The following DSCAML1 variants were observed in gnomAD, a reference collection of about 807,000 sequenced individuals.
The protein encoded by DSCAML1 is DS cell adhesion molecule like 1, also known as cell adhesion molecule DSCAML1.
DSCAML1 carries 38 observed loss-of-function variants against 200.5 expected under a neutral mutation model. The ratio of observed to expected loss-of-function variants is 0.19; its 90% CI spans 0.15 to 0.25. The LOEUF (loss-of-function observed/expected upper bound fraction) is 0.25. DSCAML1 is among the 10% of genes least tolerant of loss of function. DSCAML1 has a pLI of 1.00. For synonymous variants in DSCAML1, 1,215 were observed against 1,165.0 expected (o/e 1.04, Z -0.87); for missense variants, 2,223 against 2,858.8 (o/e 0.78, Z 5.07).
At chr11:117,508,797 C>T (rs1013749713) in intron 8 of DSCAML1, among the ~76,000 whole-genome samples, 1 of 152,078 alleles carries the variant, frequency 6.6e-6, no homozygotes, top group Admixed American at 6.6e-5. Context: ...GCTGTGGAGT[C>T]TGGAGGGCCA....
At chr11:117,519,245 T>A (rs1190909175) in intron 6 of DSCAML1, among the ~76,000 whole-genome samples, 1 of 152,214 alleles carries the variant, frequency 6.6e-6, no homozygotes, top group East Asian at 1.9e-4. Context: ...CCTGGCCCTG[T>A]GGAGTCTGAT....
chr11:117,535,410 A>G (rs747579734), intron 3 of DSCAML1, among the ~76,000 whole-genome samples: 52 of 152,202 alleles, frequency 3.4e-4, no homozygotes, highest in Middle Eastern at 6.8e-3. Flanking sequence ...TCTGGAACCT[A>G]GAGTTTGTGG....
intron 3 of DSCAML1, among the ~76,000 whole-genome samples, chr11:117,719,130 T>A (rs1211518464): frequency 6.6e-6 from 1 of 152,170 alleles, no homozygotes; most frequent in Non-Finnish European, 1.5e-5. Flanking sequence ...TGTTATATAT[T>A]CATTTTTAGA....
At chr11:117,622,211 G>A (rs2051948068) in intron 3 of DSCAML1, among the ~76,000 whole-genome samples, 1 of 152,174 alleles carries the variant, frequency 6.6e-6, no homozygotes, top group Admixed American at 6.5e-5. Context: ...CCAAAGGGCT[G>A]GTGGCCTGGA....
In DSCAML1 at chr11:117,437,034, G is replaced by C; in HGVS notation, c.4720+88C>G. The stretch of plus-strand genomic sequence containing the variant: ...TTCCTGCCTGTTTTTCTATTAGTCT[G>C]TCTCTTTATGTATCTGCCACTCTGC... On this transcript the variant is annotated intron_variant, in intron 26 of 32. Transcript: ENST00000651296. The surrounding 1 kb of genome is among the most constrained non-coding windows in gnomAD (Gnocchi z 5.3). The C allele has an allele frequency of 6.7e-7, 1 of 1,495,216 alleles. No individual in the cohort carries two copies. The highest frequency in any genetic ancestry group is 9.0e-7 in the Non-Finnish European group (1 of 1,114,280). The allele number at this position is 1,495,216 out of a possible 1,614,324, so 92.6% of individuals were successfully genotyped here.
intron 3 of DSCAML1, among the ~76,000 whole-genome samples, chr11:117,578,736 A>G (rs2050993461): frequency 6.6e-6 from 1 of 152,146 alleles, no homozygotes; most frequent in Non-Finnish European, 1.5e-5. Context: ...AGCTCCCTCT[A>G]CTATCTAGAC....
intron 3 of DSCAML1, among the ~76,000 whole-genome samples, chr11:117,568,049 G>T (rs1228571739): frequency 6.6e-6 from 1 of 152,032 alleles, no homozygotes; most frequent in Admixed American, 6.6e-5. Context: ...TTCATCCCTG[G>T]GATGCAAGGC....
chr11:117,501,037 G>A (rs895420751), intron 11 of DSCAML1, among the ~76,000 whole-genome samples: 7 of 152,274 alleles, frequency 4.6e-5, no homozygotes, highest in Middle Eastern at 3.4e-3. Flanking sequence ...TGATGTGGGC[G>A]TTTGAGATGG....
At chr11:117,666,368 A>G (rs1008739872) in intron 3 of DSCAML1, among the ~76,000 whole-genome samples, 4 of 152,232 alleles carry the variant, frequency 2.6e-5, no homozygotes, top group African/African-American at 9.6e-5. Flanking sequence ...TGTGTAATCA[A>G]TGTTAGTGCC....
chr11:117,786,398 A>C (rs1483261432), intron 1 of DSCAML1, among the ~76,000 whole-genome samples: 2 of 152,224 alleles, frequency 1.3e-5, no homozygotes, highest in Non-Finnish European at 2.9e-5. Flanking sequence ...ATAGCACAGC[A>C]ATATTTTTAA....
At chr11:117,693,144 G>T (rs142954917) in intron 3 of DSCAML1, among the ~76,000 whole-genome samples, 2 of 152,262 alleles carry the variant, frequency 1.3e-5, no homozygotes, top group African/African-American at 4.8e-5. Context: ...GCATCTTGCC[G>T]TGGCATTTCA....
At chr11:117,651,135 A>C (rs1009497905) in intron 3 of DSCAML1, among the ~76,000 whole-genome samples, 8 of 152,270 alleles carry the variant, frequency 5.3e-5, no homozygotes, top group Non-Finnish European at 1.0e-4. Flanking sequence ...CCGAAGCCTC[A>C]ATCCAGGGCG....
intron 3 of DSCAML1, 118 bp from the exon 4 acceptor site, chr11:117,532,640 G>T: frequency 9.5e-7 from 1 of 1,049,044 alleles, no homozygotes. Context: ...AAATAGAAAT[G>T]GTAGTAATTG....
intron 3 of DSCAML1, among the ~76,000 whole-genome samples, chr11:117,630,910 G>A (rs1287320890): frequency 3.3e-5 from 5 of 152,104 alleles, no homozygotes; most frequent in Admixed American, 6.5e-5. Flanking sequence ...CTGTGCCTTC[G>A]TTTCCTCATC....
chr11:117,783,982 C>G (rs1353969276), intron 1 of DSCAML1, among the ~76,000 whole-genome samples: 1 of 152,222 alleles, frequency 6.6e-6, no homozygotes, highest in Non-Finnish European at 1.5e-5. Context: ...TCCTGCACTC[C>G]TGGGCCTCGG....
At chr11:117,795,883 G>GGCCAGGGCAACA (rs1222123665) in intron 1 of DSCAML1, among the ~76,000 whole-genome samples, 1 of 152,180 alleles carries the variant, frequency 6.6e-6, no homozygotes, top group Non-Finnish European at 1.5e-5. Flanking sequence ...GTTGCCGCCC[G>GGCCAGGGCAACA]GCCAGGGCAA....
chr11:117,482,049 C>T lies in DSCAML1; in HGVS notation c.2473G>A (p.Gly825Arg), dbSNP rs1182451596. Reference protein sequence around the residue: ...ERPIIIRWEKGDTVIDPDRVM... With the variant: ...ERPIIIRWEKRDTVIDPDRVM... ...CGGTCAGGGTCGATGACTGTGTCCCCCTTCTCCCAGCGGATGATGATGGGC... is the reference window on the plus strand; with the variant it reads ...CGGTCAGGGTCGATGACTGTGTCCCTCTTCTCCCAGCGGATGATGATGGGC... The change falls in exon 12 of 33, where the codon GGG becomes AGG. Residue 825 changes from glycine (G) to arginine (R), a missense_variant. This residue lies in a region of DSCAML1 where 438 missense variants were observed against 629.7 expected (regional missense o/e 0.70). Coordinates refer to ENST00000651296, the MANE Select transcript of DSCAML1 (RefSeq NM_020693.4). The T allele has an allele frequency of 6.2e-7, 1 of 1,614,188 alleles. No individual in the cohort carries two copies. The highest frequency in any genetic ancestry group is 8.5e-7 in the Non-Finnish European group (1 of 1,180,020).
At position 117,506,603 on chromosome 11, in the gene DSCAML1, C is replaced by T. The variant is rs145727081; in HGVS notation, c.1784-871G>A. ...ACAAGGTTTTGCTCTGTCACCCAGG[C>T]GGGAGTACAGTGGCGTGAACATGGC... On this transcript the variant is annotated intron_variant, in intron 8 of 32. Coordinates refer to ENST00000651296, the MANE Select transcript of DSCAML1 (RefSeq NM_020693.4). Among the ~76,000 whole-genome samples the T allele has an allele frequency of 6.9e-3, 922 of 134,030 alleles. 4 individuals are homozygous for T. The highest frequency in any genetic ancestry group is 8.4e-3 in the Non-Finnish European group (547 of 65,454). 87.9% of individuals were successfully genotyped at this position (134,030 alleles called of 152,430 possible). A position where few individuals can be genotyped will look rare whatever the true frequency, so the allele number is the denominator to read the frequency against.
chr11:117,547,922 C>T (rs1282108037), intron 3 of DSCAML1, among the ~76,000 whole-genome samples: 2 of 152,218 alleles, frequency 1.3e-5, no homozygotes, highest in Non-Finnish European at 2.9e-5. Flanking sequence ...CACTCTCCCA[C>T]CCCTTCCCAG....
Sources: allele counts gnomAD v4.1 joint callset (sites outside exome capture counted in the v4.1 genomes callset), GRCh38; gene constraint gnomAD v4.1.1; regional missense constraint gnomAD v4.1.1; non-coding constraint Gnocchi (gnomAD v3.1); transcripts MANE v1.5; gene names NCBI Gene and HGNC (gene_info 2026-07-23, HGNC 2026-07-21).